The following PAH variants were observed in gnomAD, a reference collection of about 807,000 sequenced individuals.
PAH encodes the protein phenylalanine hydroxylase.
A neutral mutation model predicts 62.0 loss-of-function variants in PAH; 64 were observed. That is an observed-to-expected ratio of 1.03 (90% CI 0.84 to 1.27). The LOEUF (loss-of-function observed/expected upper bound fraction) is 1.27. PAH is among the 50% of genes most tolerant of loss of function. The pLI is 0.00. For missense variants in PAH, 579 were observed against 542.8 expected (o/e 1.07, Z -0.66); for synonymous variants, 195 against 196.2 (o/e 0.99, Z 0.05).
intron 1 of PAH, among the ~76,000 whole-genome samples, chr12:102,934,521 C>T (rs907255713): frequency 4.6e-5 from 7 of 151,900 alleles, no homozygotes; most frequent in African/African-American, 1.7e-4. Flanking sequence ...GTAGTATGTA[C>T]GTTTTAACAA....
intron 2 of PAH, chr12:102,904,649 G>A (rs1343332435): frequency 5.0e-6 from 2 of 396,124 alleles, no homozygotes; most frequent in African/African-American, 4.2e-5. Context: ...GTATAGTCTA[G>A]ATTATTTCAT....
chr12:102,918,454 T>A (rs77933548), upstream of PAH, among the ~76,000 whole-genome samples: 4 of 151,312 alleles, frequency 2.6e-5, no homozygotes, highest in African/African-American at 7.3e-5. Context: ...TGAAAATAAA[T>A]AAACAAATAA....
intron 5 of PAH, among the ~76,000 whole-genome samples, chr12:102,860,510 T>G (rs28854495): frequency 0.64 from 97,385 of 151,308 alleles, 32,738 homozygotes; most frequent in African/African-American, 0.79. Context: ...GAACCAAAAA[T>G]AGCCCGCATT....
At chr12:102,873,967 C>CAT (rs1321075405) in intron 4 of PAH, among the ~76,000 whole-genome samples, 3 of 152,130 alleles carry the variant, frequency 2.0e-5, no homozygotes, top group Non-Finnish European at 4.4e-5. Context: ...CTTTCACTTG[C>CAT]ATATATATAT....
At chr12:102,919,044 G>A (rs1480641680), upstream of PAH, among the ~76,000 whole-genome samples, 1 of 152,138 alleles carries the variant, frequency 6.6e-6, no homozygotes, top group Non-Finnish European at 1.5e-5. Context: ...CTCTCCACGT[G>A]CATGGTTTCA....
chr12:102,920,906 T>C (rs1878534763), upstream of PAH, among the ~76,000 whole-genome samples: 1 of 110,366 alleles, frequency 9.1e-6, no homozygotes, highest in South Asian at 2.7e-4. Context: ...TTTGCCACAC[T>C]TGACTTCTTT....
chr12:102,903,789 G>A (rs998742822), intron 2 of PAH, among the ~76,000 whole-genome samples: 5 of 152,188 alleles, frequency 3.3e-5, no homozygotes, highest in East Asian at 3.9e-4. Flanking sequence ...ACCCACATAC[G>A]TCAGAGATGA....
chr12:102,914,988 G>T (rs987174805), intron 1 of PAH, among the ~76,000 whole-genome samples: 2 of 152,090 alleles, frequency 1.3e-5, no homozygotes, highest in Admixed American at 6.6e-5. Context: ...CTTCTATTTA[G>T]AATCCCTCAA....
chr12:102,948,417 G>C (rs886122935), intron 1 of PAH, among the ~76,000 whole-genome samples: 2 of 152,188 alleles, frequency 1.3e-5, no homozygotes, highest in African/African-American at 4.8e-5. Context: ...CTTGCAAGGG[G>C]TGGCTGAAGA....
chr12:102,877,447 G>T lies in PAH; in HGVS notation c.441+15C>A. 6.3e-7 allele frequency: 1 copy of T among 1,598,070 alleles called. No homozygotes were observed. Among genetic ancestry groups the T allele is most frequent in the Non-Finnish European group, 8.6e-7 (1 of 1,165,430 alleles). ...AGGCACTGAAAAAATCTCATCCTAC[G>T]GGCCATGGACTCACAGGGTGGTCAG... is the stretch of plus-strand genomic sequence containing the variant. On this transcript the variant is annotated intron_variant, in intron 4 of 12. Coordinates refer to ENST00000553106, the MANE Select transcript of PAH (RefSeq NM_000277.3).
chr12:102,951,623 G>A (rs966460163), upstream of PAH, among the ~76,000 whole-genome samples: 4 of 152,186 alleles, frequency 2.6e-5, no homozygotes, highest in Non-Finnish European at 5.9e-5. Context: ...GTTTGCTGGA[G>A]CCCTCTTCCC....
intron 5 of PAH, among the ~76,000 whole-genome samples, chr12:102,863,645 C>A (rs1875827823): frequency 6.6e-6 from 1 of 152,130 alleles, no homozygotes; most frequent in East Asian, 1.9e-4. Flanking sequence ...GTGCTAGATT[C>A]CCTCTCCAAG....
intron 2 of PAH, among the ~76,000 whole-genome samples, chr12:102,895,871 T>A (rs866793352): frequency 0.026 from 3,220 of 126,246 alleles, 49 homozygotes; most frequent in South Asian, 0.037. Flanking sequence ...AAAAAAAAAA[T>A]ATATATATAT....
chr12:102,880,814 TAAA>T (rs1876782153), intron 3 of PAH, among the ~76,000 whole-genome samples: 2 of 152,190 alleles, frequency 1.3e-5, no homozygotes, highest in Non-Finnish European at 2.9e-5. Context: ...AGAAGAAGAA[TAAA>T]GAAGCATAAG....
At chr12:102,942,671 CA>C (rs1235155827) in intron 1 of PAH, among the ~76,000 whole-genome samples, 3 of 152,134 alleles carry the variant, frequency 2.0e-5, no homozygotes, top group Non-Finnish European at 4.4e-5. Context: ...AACCATACCA[CA>C]AGGCTAAAGT....
intron 2 of PAH, among the ~76,000 whole-genome samples, chr12:102,911,980 A>C (rs1057411567): frequency 6.6e-6 from 1 of 152,220 alleles, no homozygotes; most frequent in African/African-American, 2.4e-5. Context: ...GAGGAAACCT[A>C]TTTGGAGTTC....
rs907061856 is a variant in PAH, at chr12:102,917,233, G to A, written c.-103C>T. ...GAAGGTTTTAACCTCGCACTAGGGA[G>A]GAGAAGAGAGTTACAAAGGGTGTCT... On this transcript the variant is annotated 5_prime_UTR_variant, in exon 1 of 13. Coordinates refer to ENST00000553106, the MANE Select transcript of PAH (RefSeq NM_000277.3). 3.7e-5 allele frequency: 35 copies of A among 938,954 alleles called. No individual in the cohort carries two copies. In the African/African-American group the frequency reaches 5.5e-4, roughly 15 times the overall value. 58.2% of individuals were successfully genotyped at this position (938,954 alleles called of 1,614,324 possible).
chr12:102,866,254 G>A (rs1875956676), intron 5 of PAH, among the ~76,000 whole-genome samples: 1 of 152,114 alleles, frequency 6.6e-6, no homozygotes. Context: ...CCTGTTTAAT[G>A]TAGAGAAGAC....
chr12:102,908,794 G>A (rs896985429), intron 2 of PAH, among the ~76,000 whole-genome samples: 3 of 150,560 alleles, frequency 2.0e-5, no homozygotes, highest in African/African-American at 7.3e-5. Context: ...GTCTGTTCTA[G>A]GATCCCATTC....
Sources: gnomAD v4.1 joint callset for allele counts (sites outside exome capture counted in the v4.1 genomes callset) on GRCh38, gnomAD v4.1.1 for gene constraint, MANE v1.5 for transcripts, NCBI Gene and HGNC (gene_info 2026-07-23, HGNC 2026-07-21) for gene names.